Variants in SLC9A9 observed in about 807,000 individuals in gnomAD.
SLC9A9 encodes sodium/hydrogen exchanger 9.
SLC9A9 carries 62 observed loss-of-function variants against 77.8 expected under a neutral mutation model. The ratio of observed to expected loss-of-function variants is 0.80; its 90% CI spans 0.65 to 0.98. SLC9A9 has a LOEUF of 0.98. Among genes scored for constraint, SLC9A9 ranks in the 50% least tolerant of loss-of-function variants. The pLI is 0.00. For synonymous variants in SLC9A9, 320 were observed against 283.5 expected, an observed-to-expected ratio of 1.13 and a Z score of -1.29; for missense variants, 775 against 774.9, an observed-to-expected ratio of 1.00 and a Z score of 0.00.
chr3:143,703,319 A>G (rs1933860816), intron 4 of SLC9A9, among the ~76,000 whole-genome samples: 2 of 152,150 alleles, frequency 1.3e-5, no homozygotes, highest in South Asian at 4.1e-4. Context: ...ATGTTAGATC[A>G]CAAAATAAAT....
chr3:143,351,960 G>C (rs552005959), intron 14 of SLC9A9, among the ~76,000 whole-genome samples: 2 of 152,216 alleles, frequency 1.3e-5, no homozygotes, highest in South Asian at 4.2e-4. Context: ...AAAAAAAGTT[G>C]GCCAATCCAG....
intron 14 of SLC9A9, among the ~76,000 whole-genome samples, chr3:143,351,204 T>C (rs991908860): frequency 2.0e-5 from 3 of 152,238 alleles, no homozygotes; most frequent in African/African-American, 2.4e-5. Flanking sequence ...AATTTCTCAA[T>C]GCACTGTGAT....
At chr3:143,460,159 GC>G (rs1342578354) in intron 12 of SLC9A9, among the ~76,000 whole-genome samples, 1 of 152,034 alleles carries the variant, frequency 6.6e-6, no homozygotes, top group African/African-American at 2.4e-5. Context: ...ATGAGTCCAG[GC>G]CAAGAGATTC....
At chr3:143,777,925 G>A (rs749240701) in intron 4 of SLC9A9, among the ~76,000 whole-genome samples, 20 of 149,970 alleles carry the variant, frequency 1.3e-4, no homozygotes, top group Non-Finnish European at 2.2e-4. Flanking sequence ...ATGTTGGTCA[G>A]GCTGGTCTTG....
chr3:143,275,243 T>G (rs980370509), intron 14 of SLC9A9, among the ~76,000 whole-genome samples: 1 of 152,240 alleles, frequency 6.6e-6, no homozygotes, highest in Admixed American at 6.5e-5. Context: ...TTTAATGAAC[T>G]TGTGGAAACT....
intron 12 of SLC9A9, among the ~76,000 whole-genome samples, chr3:143,459,045 A>G (rs1319585743): frequency 1.3e-5 from 2 of 151,780 alleles, no homozygotes; most frequent in African/African-American, 2.4e-5. Flanking sequence ...AATTAAGAGA[A>G]TATTTTGTTT....
At chr3:143,560,093 C>T (rs1270990849) in intron 8 of SLC9A9, among the ~76,000 whole-genome samples, 1 of 152,232 alleles carries the variant, frequency 6.6e-6, no homozygotes, top group East Asian at 1.9e-4. Flanking sequence ...CAAGAATCCA[C>T]AAGGCAATGA....
chr3:143,513,086 A>T (rs558912413), intron 9 of SLC9A9, among the ~76,000 whole-genome samples: 1 of 152,268 alleles, frequency 6.6e-6, no homozygotes. Context: ...AACTTCTAAA[A>T]ATAAGGCAAC....
rs538970772 is a variant in SLC9A9, at chr3:143,536,530, G to A, written c.1089+15832C>T. Reference sequence around the variant, plus strand: ...GTAGCCTAACAGTTTTACATGCTGCGATTACTACAATGAATCTGTGCATCT... The same window carrying A: ...GTAGCCTAACAGTTTTACATGCTGCAATTACTACAATGAATCTGTGCATCT... On this transcript the variant is annotated intron_variant, in intron 9 of 15. Coordinates refer to ENST00000316549, the MANE Select transcript of SLC9A9 (RefSeq NM_173653.4). Among the ~76,000 whole-genome samples the A allele has an allele frequency of 7.2e-5, 11 of 152,276 alleles. No individual in the cohort carries two copies. In the East Asian group the frequency reaches 1.5e-3, roughly 21 times the overall value.
chr3:143,464,054 A>C (rs892143878), intron 12 of SLC9A9, among the ~76,000 whole-genome samples: 1 of 152,238 alleles, frequency 6.6e-6, no homozygotes, highest in African/African-American at 2.4e-5. Flanking sequence ...CAGAGAAAAA[A>C]ATATAGACTC....
intron 3 of SLC9A9, among the ~76,000 whole-genome samples, chr3:143,795,806 A>G (rs1287118374): frequency 1.3e-5 from 2 of 152,244 alleles, no homozygotes; most frequent in East Asian, 3.8e-4. Flanking sequence ...AATGATGCTT[A>G]GTATTGGGAC....
Position 143,832,108 on chromosome 3 carries a change from T to C in SLC9A9, c.289A>G (p.Ile97Val). Residue 97 changes from isoleucine to valine, a missense_variant, in exon 2 of 16, where the codon ATC (isoleucine) becomes GTC (valine). By Grantham distance (29) the Ile-to-Val change is conservative (BLOSUM62 3). Transcript: ENST00000316549. ...TTATATTCATAAACTTGGTCAGTGATATTAACCAGCAGAGTTGATGGACTG... is the reference window on the plus strand; with the variant it reads ...TTATATTCATAAACTTGGTCAGTGACATTAACCAGCAGAGTTGATGGACTG... Reference protein sequence around the residue: ...TFSPSTLLVNITDQVYEYKYK... With the variant: ...TFSPSTLLVNVTDQVYEYKYK... 2 of 1,613,276 alleles carry C rather than the reference T, an allele frequency of 1.2e-6. No homozygotes were observed. Among genetic ancestry groups the C allele is most frequent in the Non-Finnish European group, 1.7e-6 (2 of 1,179,556 alleles).
intron 14 of SLC9A9, among the ~76,000 whole-genome samples, chr3:143,290,847 C>A (rs1356115627): frequency 6.6e-6 from 1 of 152,224 alleles, no homozygotes; most frequent in Non-Finnish European, 1.5e-5. Context: ...ATCTCCCAGA[C>A]TTCATGTACT....
intron 2 of SLC9A9, among the ~76,000 whole-genome samples, chr3:143,811,939 T>C (rs2008877958): frequency 6.6e-6 from 1 of 151,604 alleles, no homozygotes; most frequent in South Asian, 2.1e-4. Flanking sequence ...AATAAAATAT[T>C]GAAGCAATGG....
intron 9 of SLC9A9, among the ~76,000 whole-genome samples, chr3:143,507,540 G>C (rs566594261): frequency 1.3e-5 from 2 of 152,128 alleles, no homozygotes; most frequent in Non-Finnish European, 2.9e-5. Flanking sequence ...CCTCATTAGA[G>C]TTGTGCATTT....
At position 143,266,887 on chromosome 3, in the gene SLC9A9, C is replaced by T. The variant is rs773758068; in HGVS notation, c.1753G>A (p.Asp585Asn). 9.9e-6 allele frequency: 16 copies of T among 1,613,960 alleles called. No homozygotes were observed. The highest frequency in any genetic ancestry group is 1.4e-5 in the Non-Finnish European group (16 of 1,179,988). Residue 585 changes from aspartate to asparagine, a missense_variant, in exon 16 of 16, where the codon GAT becomes AAT. Transcript: ENST00000316549. ...EDDVECIVNQ[D>N]ELAINYQEQA... ...TCCTGGTAATTTATGGCTAGTTCAT[C>T]CTGGTTTACAATGCATTCCACATCA... is the stretch of plus-strand genomic sequence containing the variant.
At position 143,817,172 on chromosome 3, in the gene SLC9A9, C is replaced by T. The variant is rs369160423; in HGVS notation, c.378+14847G>A. Among the ~76,000 whole-genome samples, 1,065 of 144,084 alleles carry T rather than the reference C, an allele frequency of 7.4e-3. 6 individuals are homozygous for T. The highest frequency in any genetic ancestry group is 0.015 in the Middle Eastern group (4 of 272). The allele number at this position is 144,084 out of a possible 152,430, so 94.5% of individuals were successfully genotyped here. On this transcript the variant is annotated intron_variant, in intron 2 of 15. Coordinates refer to ENST00000316549, the MANE Select transcript of SLC9A9 (RefSeq NM_173653.4). Reference sequence around the variant, plus strand: ...TTTTTTTTTTTTTGAGACGGAGTCTCGCTCTGTCGCCCAGGCCGGACTGCG... The same window carrying T: ...TTTTTTTTTTTTTGAGACGGAGTCTTGCTCTGTCGCCCAGGCCGGACTGCG...
At chr3:143,409,174 G>A (rs1415150232) in intron 12 of SLC9A9, among the ~76,000 whole-genome samples, 1 of 152,088 alleles carries the variant, frequency 6.6e-6, no homozygotes, top group Non-Finnish European at 1.5e-5. Context: ...TACCACCACT[G>A]GTATTAACTC....
At chr3:143,523,881 G>A (rs575466552) in intron 9 of SLC9A9, among the ~76,000 whole-genome samples, 11 of 151,942 alleles carry the variant, frequency 7.2e-5, no homozygotes, top group Non-Finnish European at 1.5e-4. Context: ...TTTTAATTCC[G>A]CCATATAAGC....
Sources: gnomAD v4.1 joint callset for allele counts (sites outside exome capture counted in the v4.1 genomes callset) on GRCh38, gnomAD v4.1.1 for gene constraint, MANE v1.5 for transcripts, NCBI Gene and HGNC (gene_info 2026-07-23, HGNC 2026-07-21) for gene names.